CMTM2: variants seen among roughly 807,000 people sequenced by gnomAD.
The protein encoded by CMTM2 is CKLF like MARVEL transmembrane domain containing 2, also known as CKLF-like MARVEL transmembrane domain-containing protein 2.
A neutral mutation model predicts 16.8 loss-of-function variants in CMTM2; 15 were observed. That is an observed-to-expected ratio of 0.89 (90% confidence interval 0.60 to 1.37). The LOEUF is 1.37. Among genes scored for constraint, CMTM2 ranks in the 40% most tolerant of loss-of-function variants. CMTM2 has a pLI of 0.00. For synonymous variants in CMTM2, 117 were observed against 118.7 expected (o/e 0.99, Z 0.09); for missense variants, 282 against 318.0 (o/e 0.89, Z 0.86).
Position 66,588,144 on chromosome 16 carries a change from A to T in CMTM2, c.*25A>T. 1.9e-6 allele frequency: 3 copies of T among 1,603,866 alleles called. No homozygotes were observed. Among genetic ancestry groups the T allele is most frequent in the East Asian group, 4.5e-5 (2 of 44,842 alleles). ...ACTTGGAGGAGGCTCCTGGTGTCTG[A>T]AACGGCAGTGTATTTTACAGCAATA... On this transcript the variant is annotated 3_prime_UTR_variant, in exon 4 of 4. Coordinates refer to ENST00000268595, the MANE Select transcript of CMTM2 (RefSeq NM_144673.3).
intron 2 of CMTM2, among the ~76,000 whole-genome samples, chr16:66,583,082 C>A (rs1002050665): frequency 6.6e-6 from 1 of 152,154 alleles, no homozygotes; most frequent in Non-Finnish European, 1.5e-5. Flanking sequence ...GAATTATCTA[C>A]ACAGAAAATC....
In CMTM2 at chr16:66,581,864, C is replaced by T. The variant is rs112354204; in HGVS notation, c.444+1680C>T. ...TTCATGCAGCCCAGAAACCTTCATC[C>T]CTGGGAATTACCATAAAAACTGATC... On this transcript the variant is annotated intron_variant, in intron 2 of 3. Transcript: ENST00000268595. Among the ~76,000 whole-genome samples, 1,179 of 152,196 alleles carry T rather than the reference C, an allele frequency of 7.7e-3. 20 individuals are homozygous for T. Among genetic ancestry groups the T allele is most frequent in the African/African-American group, 0.027 (1,130 of 41,504 alleles).
chr16:66,586,941 G>A (rs1302078122), intron 2 of CMTM2, 56 bp from the exon 3 acceptor site: 2 of 1,260,748 alleles, frequency 1.6e-6, no homozygotes, highest in Non-Finnish European at 2.3e-6. Flanking sequence ...AGGGTGCAGT[G>A]TTTGTTGATG....
At position 66,579,712 on chromosome 16, in the gene CMTM2, G is replaced by A. The variant is rs187643040; in HGVS notation, c.105G>A (p.Ser35=). 29 of 1,613,500 alleles carry A rather than the reference G, an allele frequency of 1.8e-5. No individual in the cohort carries two copies. Among genetic ancestry groups the A allele is most frequent in the East Asian group, 1.8e-4 (8 of 44,856 alleles). The change falls in exon 1 of 4, where the codon TCG becomes TCA. Residue 35 remains serine (S), a synonymous_variant. Transcript: ENST00000268595. The surrounding 1 kb of genome is among the most constrained non-coding windows in gnomAD (Gnocchi z 6.5). ...ACAAGAAGGACGGTAAGGAGCCATCGGACAAACCTCAAAAGGCGGTGCAGG... is the reference window on the plus strand; with the variant it reads ...ACAAGAAGGACGGTAAGGAGCCATCAGACAAACCTCAAAAGGCGGTGCAGG... ...EEDKKDGKEP[S]DKPQKAVQDH...
intron 2 of CMTM2, among the ~76,000 whole-genome samples, chr16:66,582,712 A>G (rs58337997): frequency 0.023 from 3,503 of 151,778 alleles, 66 homozygotes; most frequent in South Asian, 0.083. Context: ...AAAAATAATA[A>G]AAGAGGTGTC....
At chr16:66,586,953 G>C (rs770597589) in intron 2 of CMTM2, 44 bp from the exon 3 acceptor site, 1 of 1,397,624 alleles carries the variant, frequency 7.2e-7, no homozygotes. Context: ...TTGTTGATGG[G>C]GACCCTGGCT....
At chr16:66,584,399 G>A (rs1010551362) in intron 2 of CMTM2, among the ~76,000 whole-genome samples, 7 of 151,948 alleles carry the variant, frequency 4.6e-5, no homozygotes, top group African/African-American at 1.7e-4. Context: ...ACACACACAT[G>A]CACACACATA....
Position 66,586,993 on chromosome 16 carries a change from T to G in CMTM2, c.445-4T>G. On this transcript the variant is annotated splice_region_variant and splice_polypyrimidine_tract_variant and intron_variant, in intron 2 of 3. Transcript: ENST00000268595. ...CTGAGGCTGACTAACCTCTCCACCT[T>G]CAGGACCTCTTCAACGACCTGATTG... 1.2e-6 allele frequency: 2 copies of G among 1,613,260 alleles called. No homozygotes were observed. Among genetic ancestry groups the G allele is most frequent in the East Asian group, 4.5e-5 (2 of 44,872 alleles).
chr16:66,586,386 G>A (rs368000597), intron 2 of CMTM2, among the ~76,000 whole-genome samples: 7 of 152,174 alleles, frequency 4.6e-5, no homozygotes, highest in Non-Finnish European at 1.0e-4. Flanking sequence ...ACCTGTAATC[G>A]TAGCACTTTG....
In CMTM2 at chr16:66,583,366, C is replaced by G. The variant is rs184988378; in HGVS notation, c.444+3182C>G. Among the ~76,000 whole-genome samples, 6 of 152,154 alleles carry G rather than the reference C, an allele frequency of 3.9e-5. No individual in the cohort carries two copies. In the East Asian group the frequency reaches 1.2e-3, roughly 29 times the overall value. ...AATTAACCAGGCATGGAGGTGCATG[C>G]CTGTAATCCCAGCTACTCGAGAGGC... On this transcript the variant is annotated intron_variant, in intron 2 of 3. Transcript: ENST00000268595.
chr16:66,588,122 T>A lies in CMTM2; in HGVS notation c.*3T>A. The stretch of plus-strand genomic sequence containing the variant: ...GGCCAGCAAAGGGAAAGAAATGACT[T>A]GGAGGAGGCTCCTGGTGTCTGAAAC... On this transcript the variant is annotated 3_prime_UTR_variant, in exon 4 of 4. Transcript: ENST00000268595. 3.7e-6 allele frequency: 6 copies of A among 1,612,322 alleles called. No individual in the cohort carries two copies. Among genetic ancestry groups the A allele is most frequent in the Non-Finnish European group, 5.1e-6 (6 of 1,179,896 alleles).
At chr16:66,581,011 C>T (rs1247530595) in intron 2 of CMTM2, among the ~76,000 whole-genome samples, 1 of 152,134 alleles carries the variant, frequency 6.6e-6, no homozygotes, top group African/African-American at 2.4e-5. Context: ...CTGTTTCACT[C>T]ACGTTACACA....
At chr16:66,581,578 C>A (rs1319611548) in intron 2 of CMTM2, among the ~76,000 whole-genome samples, 2 of 152,086 alleles carry the variant, frequency 1.3e-5, no homozygotes, top group Non-Finnish European at 2.9e-5. Context: ...GGAAATAAGG[C>A]CTTGATCCTA....
At chr16:66,584,226 G>A (rs1318304686) in intron 2 of CMTM2, among the ~76,000 whole-genome samples, 3 of 152,178 alleles carry the variant, frequency 2.0e-5, no homozygotes, top group South Asian at 2.1e-4. Context: ...TAGAGACAGC[G>A]TTTTGCCATG....
At chr16:66,580,453 G>C (rs549260069) in intron 2 of CMTM2, 2 of 459,756 alleles carry the variant, frequency 4.4e-6, no homozygotes, top group East Asian at 3.9e-5. Context: ...CTGAGCCTTT[G>C]TTCTCTTTAG....
intron 2 of CMTM2, among the ~76,000 whole-genome samples, chr16:66,583,507 C>T (rs2014758375): frequency 6.6e-6 from 1 of 151,428 alleles, no homozygotes; most frequent in African/African-American, 2.4e-5. Flanking sequence ...AAAAAATGCT[C>T]TTTAAAAGAA....
rs1002397583 is a variant in CMTM2, at chr16:66,588,025, G to A, written c.653G>A (p.Gly218Glu). The change falls in exon 4 of 4, where the codon GGA becomes GAA. Residue 218 changes from glycine to glutamate, a missense_variant. Physicochemically the swap from Gly to Glu is moderately conservative, Grantham distance 98. Coordinates refer to ENST00000268595, the MANE Select transcript of CMTM2 (RefSeq NM_144673.3). ...AKKHMLVPPP[G>E]KEKGPQQGKG... ...AAGCATATGCTGGTTCCTCCTCCAG[G>A]AAAGGAAAAAGGACCCCAGCAGGGC... is the stretch of plus-strand genomic sequence containing the variant. 4.7e-5 allele frequency: 76 copies of A among 1,613,990 alleles called. No individual in the cohort carries two copies. Among genetic ancestry groups the A allele is most frequent in the Non-Finnish European group, 6.1e-5 (72 of 1,180,010 alleles).
chr16:66,580,814 A>G (rs1489653595), intron 2 of CMTM2: 1 of 152,408 alleles, frequency 6.6e-6, no homozygotes, highest in African/African-American at 2.4e-5. Context: ...CTGACATTCA[A>G]TCCTGAGGAT....
chr16:66,580,907 C>T (rs544451273), intron 2 of CMTM2, among the ~76,000 whole-genome samples: 1 of 152,152 alleles, frequency 6.6e-6, no homozygotes, highest in Non-Finnish European at 1.5e-5. Context: ...CAGGGCACAA[C>T]CACCTAACCC....
Sources: gnomAD v4.1 joint callset for allele counts (sites outside exome capture counted in the v4.1 genomes callset) on GRCh38, gnomAD v4.1.1 for gene constraint, Gnocchi (gnomAD v3.1) non-coding constraint, MANE v1.5 for transcripts, NCBI Gene and HGNC (gene_info 2026-07-23, HGNC 2026-07-21) for gene names.